SNTG2: variants seen among roughly 807,000 people sequenced by gnomAD.
SNTG2 encodes the protein gamma-2-syntrophin.
SNTG2 carries 74 observed loss-of-function variants against 70.9 expected under a neutral mutation model. The observed-to-expected ratio is 1.04, with a 90% CI of 0.86 to 1.27. The LOEUF (loss-of-function observed/expected upper bound fraction) is 1.27, where lower values mean the gene tolerates loss of function less well. Ranked by LOEUF, SNTG2 falls within the 50% of genes most tolerant of loss-of-function variation. The pLI, the probability that SNTG2 is intolerant of heterozygous loss-of-function variation, is 0.00. For synonymous variants in SNTG2, 278 were observed against 273.8 expected (o/e 1.02, Z -0.15); for missense variants, 717 against 690.7 (o/e 1.04, Z -0.43).
intron 14 of SNTG2, among the ~76,000 whole-genome samples, chr2:1,285,291 C>T (rs1230817436): frequency 2.9e-4 from 44 of 152,312 alleles, no homozygotes; most frequent in Non-Finnish European, 1.8e-4. Context: ...CCAACACCCT[C>T]ATAGAAACAT....
At chr2:1,074,136 G>A (rs1175098358) in intron 1 of SNTG2, among the ~76,000 whole-genome samples, 2 of 152,294 alleles carry the variant, frequency 1.3e-5, no homozygotes, top group African/African-American at 4.8e-5. Context: ...GTGAAGACAC[G>A]GGGAGGACTC....
intron 1 of SNTG2, among the ~76,000 whole-genome samples, chr2:1,067,855 C>T (rs370091222): frequency 9.2e-5 from 14 of 152,154 alleles, no homozygotes; most frequent in Admixed American, 3.3e-4. Context: ...GGCTTCTGTA[C>T]GCAAACCCCA....
chr2:1,176,122 AAAAG>A (rs1671459205), intron 8 of SNTG2, among the ~76,000 whole-genome samples: 1 of 152,222 alleles, frequency 6.6e-6, no homozygotes, highest in Non-Finnish European at 1.5e-5. Flanking sequence ...GAGAAAGAGA[AAAAG>A]AAGTGCTAAC....
intron 1 of SNTG2, among the ~76,000 whole-genome samples, chr2:1,070,949 A>G (rs1034863423): frequency 1.3e-5 from 2 of 152,120 alleles, no homozygotes; most frequent in East Asian, 3.9e-4. Context: ...TCCTGCCTCT[A>G]TGTGCATTTA....
intron 9 of SNTG2, among the ~76,000 whole-genome samples, chr2:1,224,953 T>C (rs1431104032): frequency 6.6e-6 from 1 of 152,132 alleles, no homozygotes; most frequent in Non-Finnish European, 1.5e-5. Flanking sequence ...ATAGGAAAAA[T>C]GCAGTGTTAG....
chr2:1,066,073 C>CA (rs1663130019), intron 1 of SNTG2, among the ~76,000 whole-genome samples: 1 of 152,320 alleles, frequency 6.6e-6, no homozygotes, highest in East Asian at 1.9e-4. Flanking sequence ...ACTAGGCTCA[C>CA]ACACATTTTT....
At chr2:1,180,785 A>C (rs1325145248) in intron 8 of SNTG2, among the ~76,000 whole-genome samples, 1 of 151,920 alleles carries the variant, frequency 6.6e-6, no homozygotes, top group African/African-American at 2.4e-5. Flanking sequence ...TTATTGTGGC[A>C]CTATTCACAA....
At position 1,367,356 on chromosome 2, in the gene SNTG2, A is replaced by G. The variant is rs768714889; in HGVS notation, c.1502A>G (p.Gln501Arg). Residue 501 changes from glutamine (Q) to arginine (R), a missense_variant, in exon 17 of 17, where the codon CAG becomes CGG. Transcript: ENST00000308624. ...KQIETKELEF[Q>R]DLRAVLHCIH... is the part of the protein sequence containing the mutation. ...TTTCTCCTCCAGGAACTCGAGTTCC[A>G]GGACCTGAGGGCTGTCCTGCACTGC... 5 of 1,540,032 alleles carry G rather than the reference A, an allele frequency of 3.2e-6. No homozygotes were observed. In the East Asian group the frequency reaches 1.2e-4, roughly 38 times the overall value.
In SNTG2 at chr2:1,279,077, G is replaced by C. The variant is rs62108097; in HGVS notation, c.1284+11506G>C. 2.6e-4 allele frequency among the ~76,000 whole-genome samples: 19 copies of C among 72,456 alleles called. 1 individual carries two copies. Among genetic ancestry groups the C allele is most frequent in the East Asian group, 1.9e-3 (2 of 1,036 alleles). 47.5% of individuals were successfully genotyped at this position (72,456 alleles called of 152,430 possible). On this transcript the variant is annotated intron_variant, in intron 14 of 16. Coordinates refer to ENST00000308624, the MANE Select transcript of SNTG2 (RefSeq NM_018968.4). ...TTCACCCCTCTGTCAGTGCGCGAAT[G>C]ACCCCTCTGTCAGTGCGCGAATCAC...
intron 4 of SNTG2, among the ~76,000 whole-genome samples, chr2:1,122,802 TTG>T (rs1558427168): frequency 2.0e-5 from 3 of 151,218 alleles, no homozygotes; most frequent in Non-Finnish European, 4.4e-5. Flanking sequence ...ATGATTCTAT[TTG>T]TAAAAACCCC....
intron 11 of SNTG2, among the ~76,000 whole-genome samples, chr2:1,246,221 G>A (rs562633596): frequency 6.6e-6 from 1 of 152,192 alleles, no homozygotes; most frequent in African/African-American, 2.4e-5. Flanking sequence ...TCGGCTACGC[G>A]TCCCCGCCCT....
chr2:1,231,066 G>T (rs999696118), intron 9 of SNTG2, among the ~76,000 whole-genome samples: 1 of 149,324 alleles, frequency 6.7e-6, no homozygotes, highest in African/African-American at 2.5e-5. Context: ...GGGTGAAATA[G>T]ATCCGAAAGG....
intron 16 of SNTG2, among the ~76,000 whole-genome samples, chr2:1,336,623 A>T (rs929272564): frequency 4.6e-5 from 7 of 152,054 alleles, no homozygotes; most frequent in African/African-American, 1.7e-4. Context: ...ATCCATTTTG[A>T]GTTGATTTTT....
chr2:1,236,133 T>A (rs888628631), intron 9 of SNTG2, among the ~76,000 whole-genome samples: 6 of 152,150 alleles, frequency 3.9e-5, no homozygotes, highest in Admixed American at 1.3e-4. Flanking sequence ...CATGAACAAA[T>A]GAGAAATGAT....
At chr2:1,279,703 G>A (rs1679437179) in intron 14 of SNTG2, among the ~76,000 whole-genome samples, 1 of 152,204 alleles carries the variant, frequency 6.6e-6, no homozygotes, top group African/African-American at 2.4e-5. Flanking sequence ...GGCTGGAGTA[G>A]GTGCTTTTCT....
intron 6 of SNTG2, among the ~76,000 whole-genome samples, chr2:1,150,879 G>T (rs1481048218): frequency 1.3e-5 from 2 of 149,688 alleles, no homozygotes; most frequent in African/African-American, 2.5e-5. Flanking sequence ...CCTGGAGCTG[G>T]GCTCCCTCCG....
At position 969,680 on chromosome 2, in the gene SNTG2, T is replaced by C. The variant is rs867259488; in HGVS notation, c.72+18612T>C. Among the ~76,000 whole-genome samples the C allele has an allele frequency of 5.3e-5, 8 of 152,348 alleles. No homozygotes were observed. In the South Asian group the frequency reaches 1.5e-3, roughly 28 times the overall value. On this transcript the variant is annotated intron_variant, in intron 1 of 16. Coordinates refer to ENST00000308624, the MANE Select transcript of SNTG2 (RefSeq NM_018968.4). ...ACTTGCTTTGGAAGTTATTGGTGTT[T>C]AGAAATGCTACTGAGTTTTGTATAT...
intron 1 of SNTG2, among the ~76,000 whole-genome samples, chr2:957,549 G>A: frequency 6.6e-6 from 1 of 152,122 alleles, no homozygotes; most frequent in East Asian, 1.9e-4. Flanking sequence ...TAAAAATAGA[G>A]TAGAACACCT....
At chr2:1,196,389 G>A (rs548721434) in intron 8 of SNTG2, among the ~76,000 whole-genome samples, 35 of 152,264 alleles carry the variant, frequency 2.3e-4, no homozygotes, top group Non-Finnish European at 3.7e-4. Flanking sequence ...ACATTAAAAT[G>A]ATTACATATT....
Sources: allele counts gnomAD v4.1 joint callset (sites outside exome capture counted in the v4.1 genomes callset), GRCh38; gene constraint gnomAD v4.1.1; transcripts MANE v1.5; gene names NCBI Gene and HGNC (gene_info 2026-07-23, HGNC 2026-07-21).